Variants in BBX observed in about 807,000 individuals in gnomAD.
BBX encodes the protein HMG box transcription factor BBX.
BBX carries 30 observed loss-of-function variants against 100.2 expected under a neutral mutation model. The ratio of observed to expected loss-of-function variants is 0.30; its 90% CI spans 0.22 to 0.41. The LOEUF (loss-of-function observed/expected upper bound fraction) is 0.41, where lower values mean the gene tolerates loss of function less well. Ranked by LOEUF, BBX falls within the 10% of genes least tolerant of loss-of-function variation. The pLI, the probability that BBX is intolerant of heterozygous loss-of-function variation, is 1.00. For synonymous variants in BBX, 376 were observed against 388.1 expected (o/e 0.97, Z 0.37); for missense variants, 1,023 against 1,129.8 (o/e 0.91, Z 1.35).
chr3:107,702,806 A>G (rs1414466550), intron 3 of BBX, among the ~76,000 whole-genome samples: 2 of 152,188 alleles, frequency 1.3e-5, no homozygotes, highest in Non-Finnish European at 2.9e-5. Context: ...CCTTTTAGAA[A>G]TGGATGTTCA....
At chr3:107,573,426 G>A (rs2051522717) in intron 2 of BBX, among the ~76,000 whole-genome samples, 1 of 152,022 alleles carries the variant, frequency 6.6e-6, no homozygotes, top group Non-Finnish European at 1.5e-5. Context: ...GGCTTGGCGG[G>A]CATCTGTAGT....
intron 2 of BBX, among the ~76,000 whole-genome samples, chr3:107,587,329 TGA>T (rs1176000051): frequency 7.4e-6 from 1 of 134,416 alleles, no homozygotes; most frequent in African/African-American, 2.8e-5. Context: ...CCTGGTTGAC[TGA>T]GAGACCCTGT....
rs1022287476 is a variant in BBX, at chr3:107,716,644, T to C, written c.200T>C (p.Val67Ala). ...GGGGCCGATGGCCTAGAGCAAGATG[T>C]TGGTGAAACTGAAGATGATGAATCA... is the stretch of plus-strand genomic sequence containing the variant. ...LLGADGLEQD[V>A]GETEDDESPE... The change falls in exon 5 of 18, where the codon GTT (valine) becomes GCT (alanine). Residue 67 changes from valine (V) to alanine (A), a missense_variant. Transcript: ENST00000325805. 1 of 1,613,838 alleles carries C rather than the reference T, an allele frequency of 6.2e-7. No homozygotes were observed. Among genetic ancestry groups the C allele is most frequent in the Non-Finnish European group, 8.5e-7 (1 of 1,179,780 alleles).
chr3:107,804,102 A>T (rs2070829017), intron 17 of BBX, among the ~76,000 whole-genome samples: 1 of 152,176 alleles, frequency 6.6e-6, no homozygotes, highest in South Asian at 2.1e-4. Flanking sequence ...ACATGTGAAT[A>T]GCTTAATCCA....
rs1397849071 is a variant in BBX, at chr3:107,744,614, T to C, written c.670-16T>C. 3 of 1,596,468 alleles carry C rather than the reference T, an allele frequency of 1.9e-6. No individual in the cohort carries two copies. The highest frequency in any genetic ancestry group is 1.1e-5 in the South Asian group (1 of 90,574). ...AAATAGTACAAAAGAAAATATGATA[T>C]CTTTCTTTGTTTCAGGTATCCTCTG... is the stretch of plus-strand genomic sequence containing the variant. On this transcript the variant is annotated splice_polypyrimidine_tract_variant and intron_variant, in intron 7 of 17. Coordinates refer to ENST00000325805, the MANE Select transcript of BBX (RefSeq NM_001142568.3).
chr3:107,683,106 A>C (rs2059655712), intron 3 of BBX, among the ~76,000 whole-genome samples: 1 of 152,152 alleles, frequency 6.6e-6, no homozygotes, highest in South Asian at 2.1e-4. Flanking sequence ...CAGCATGTTT[A>C]CTAGGCATAA....
At chr3:107,691,891 T>A (rs777880502) in intron 3 of BBX, among the ~76,000 whole-genome samples, 5 of 152,186 alleles carry the variant, frequency 3.3e-5, no homozygotes. Context: ...ACTATACTAC[T>A]TAAAATAAGA....
At chr3:107,633,528 C>T (rs925930313) in intron 2 of BBX, among the ~76,000 whole-genome samples, 3 of 152,204 alleles carry the variant, frequency 2.0e-5, no homozygotes, top group Admixed American at 1.3e-4. Context: ...GGGCATCATG[C>T]CTGCGGACAT....
chr3:107,774,816 G>C lies in BBX; in HGVS notation c.2013G>C (p.Lys671Asn). ...TFSQSGTSGS[K>N]KFKKTKPKED... is the part of the protein sequence containing the mutation. ...GTCAGAGTGGGACCAGTGGGAGCAA[G>C]AAGTTCAAGAAGACAAAGCCAAAAG... Residue 671 changes from lysine (K) to asparagine (N), a missense_variant, in exon 12 of 18, where the codon AAG becomes AAC. By Grantham distance (94) the Lys-to-Asn change is moderately conservative. Around this residue, in one of 9 missense-constraint regions of BBX, gnomAD observed 215 missense variants for 211.3 expected, o/e 1.02. Transcript: ENST00000325805. 1 of 1,613,558 alleles carries C rather than the reference G, an allele frequency of 6.2e-7. No individual in the cohort carries two copies.
At chr3:107,658,797 T>C (rs2058285559) in intron 3 of BBX, among the ~76,000 whole-genome samples, 1 of 152,130 alleles carries the variant, frequency 6.6e-6, no homozygotes, top group Non-Finnish European at 1.5e-5. Context: ...TCCCATCTTA[T>C]ACAAGAGAGA....
At chr3:107,573,454 C>G (rs1369814692) in intron 2 of BBX, among the ~76,000 whole-genome samples, 2 of 152,116 alleles carry the variant, frequency 1.3e-5, no homozygotes, top group African/African-American at 4.8e-5. Context: ...GCTCGGGAGG[C>G]TGAGGCAGCA....
chr3:107,704,231 T>A (rs959788008), intron 3 of BBX, among the ~76,000 whole-genome samples: 5 of 152,086 alleles, frequency 3.3e-5, no homozygotes, highest in African/African-American at 9.7e-5. Context: ...ATCAGAATTT[T>A]AAAAAAAATT....
intron 5 of BBX, 143 bp from the exon 6 acceptor site, chr3:107,728,622 C>T: frequency 1.5e-6 from 1 of 681,842 alleles, no homozygotes; most frequent in Non-Finnish European, 2.5e-6. Flanking sequence ...CTGAGATTGT[C>T]ATTCTTCTAC....
At chr3:107,671,594 A>T (rs146148764) in intron 3 of BBX, among the ~76,000 whole-genome samples, 1 of 152,254 alleles carries the variant, frequency 6.6e-6, no homozygotes, top group African/African-American at 2.4e-5. Context: ...GAAGAAAGTC[A>T]ATTCGAAGAA....
chr3:107,644,573 C>T (rs940731477), intron 2 of BBX, among the ~76,000 whole-genome samples: 1 of 151,946 alleles, frequency 6.6e-6, no homozygotes, highest in Non-Finnish European at 1.5e-5. Context: ...TAATAATAGA[C>T]TTTGATATTA....
chr3:107,765,934 A>G (rs1176575575), intron 10 of BBX, among the ~76,000 whole-genome samples: 1 of 152,244 alleles, frequency 6.6e-6, no homozygotes, highest in Non-Finnish European at 1.5e-5. Flanking sequence ...TAAGGAATTT[A>G]TTTGTAATGA....
At chr3:107,789,524 G>A (rs948216335) in intron 13 of BBX, among the ~76,000 whole-genome samples, 1 of 152,138 alleles carries the variant, frequency 6.6e-6, no homozygotes, top group Non-Finnish European at 1.5e-5. Context: ...TCTACTCACT[G>A]TATCTGCAGT....
chr3:107,754,364 A>G (rs2065312039), intron 9 of BBX, among the ~76,000 whole-genome samples: 1 of 152,198 alleles, frequency 6.6e-6, no homozygotes, highest in Admixed American at 6.5e-5. Flanking sequence ...AAAATATTCC[A>G]AACTTCAGAA....
chr3:107,586,259 T>A (rs1411716454), intron 2 of BBX, among the ~76,000 whole-genome samples: 1 of 152,136 alleles, frequency 6.6e-6, no homozygotes, highest in African/African-American at 2.4e-5. Flanking sequence ...AAATTTAAAA[T>A]TAAGAAATTT....
Sources: allele counts gnomAD v4.1 joint callset (sites outside exome capture counted in the v4.1 genomes callset), GRCh38; gene constraint gnomAD v4.1.1; regional missense constraint gnomAD v4.1.1; transcripts MANE v1.5; gene names NCBI Gene and HGNC (gene_info 2026-07-23, HGNC 2026-07-21).